Variants in SNED1 observed in about 807,000 individuals in gnomAD.
SNED1 encodes sushi, nidogen and EGF like domains 1.
SNED1 carries 81 observed loss-of-function variants against 166.7 expected under a neutral mutation model. The observed-to-expected ratio is 0.49, with a 90% confidence interval of 0.41 to 0.58. The LOEUF (loss-of-function observed/expected upper bound fraction) is 0.58. Among genes scored for constraint, SNED1 ranks in the 20% least tolerant of loss-of-function variants. The pLI is 0.00. For synonymous variants in SNED1, 762 were observed against 822.0 expected (o/e 0.93, Z 1.25); for missense variants, 1,604 against 2,000.2 (o/e 0.80, Z 3.78).
At chr2:241,084,033 T>A (rs2063458817) in intron 29 of SNED1, among the ~76,000 whole-genome samples, 1 of 152,174 alleles carries the variant, frequency 6.6e-6, no homozygotes, top group Non-Finnish European at 1.5e-5. Context: ...TTAGGTTTAT[T>A]GTTTAGAGGT....
chr2:241,063,811 G>A, intron 18 of SNED1, 111 bp downstream of exon 18: 1 of 858,202 alleles, frequency 1.2e-6, no homozygotes, highest in Non-Finnish European at 1.8e-6. Flanking sequence ...TGGGGAGAGG[G>A]ACCCCCAGGG....
Position 240,999,336 on chromosome 2 carries a change from G to T in SNED1, c.213+286G>T, listed in dbSNP as rs2060006946. On this transcript the variant is annotated intron_variant, in intron 1 of 31. Coordinates refer to ENST00000310397, the MANE Select transcript of SNED1 (RefSeq NM_001080437.3). This position sits in a 1 kb window ranked among gnomAD's most constrained non-coding sequence, Gnocchi z 5.8. ...GACCTGCCGAGCGCGTCTTCCCGGC[G>T]CCTGATTCCCAGGGGAGAGCAGGGG... 6.6e-6 allele frequency among the ~76,000 whole-genome samples: 1 copy of T among 152,016 alleles called. No homozygotes were observed. Among genetic ancestry groups the T allele is most frequent in the South Asian group, 2.1e-4 (1 of 4,834 alleles).
At chr2:241,010,653 A>AC (rs1024282262) in intron 1 of SNED1, 1 of 152,402 alleles carries the variant, frequency 6.6e-6, no homozygotes, top group African/African-American at 2.4e-5. Flanking sequence ...GGCCTTGACC[A>AC]CAGCCTGAGA....
intron 16 of SNED1, among the ~76,000 whole-genome samples, chr2:241,055,283 AC>A (rs2062009885): frequency 6.6e-6 from 1 of 152,176 alleles, no homozygotes; most frequent in African/African-American, 2.4e-5. Context: ...GGCCCACAGA[AC>A]GTCAGACAGG....
chr2:241,014,086 G>A (rs1482789554), intron 1 of SNED1, among the ~76,000 whole-genome samples: 1 of 151,584 alleles, frequency 6.6e-6, no homozygotes, highest in Non-Finnish European at 1.5e-5. Flanking sequence ...TCAGTTCACT[G>A]CAACCTCTGC....
At chr2:241,061,999 CCT>C (rs1333549081) in intron 16 of SNED1, among the ~76,000 whole-genome samples, 1 of 152,166 alleles carries the variant, frequency 6.6e-6, no homozygotes, top group East Asian at 1.9e-4. Context: ...ACCACAGTGA[CCT>C]ACAGTGTGGA....
At chr2:241,014,430 C>G (rs2060512350) in intron 1 of SNED1, among the ~76,000 whole-genome samples, 1 of 152,158 alleles carries the variant, frequency 6.6e-6, no homozygotes, top group African/African-American at 2.4e-5. Context: ...TGGATGCTGC[C>G]CAGGGCCACA....
At position 241,073,125 on chromosome 2, in the gene SNED1, T is replaced by C; in HGVS notation, c.3818-141T>C. 1 of 629,500 alleles carries C rather than the reference T, an allele frequency of 1.6e-6. No homozygotes were observed. Among genetic ancestry groups the C allele is most frequent in the Non-Finnish European group, 2.8e-6 (1 of 359,824 alleles). 39.0% of individuals were successfully genotyped at this position (629,500 alleles called of 1,614,324 possible). A position where few individuals can be genotyped will look rare whatever the true frequency, so the allele number is the denominator to read the frequency against. On this transcript the variant is annotated intron_variant, in intron 26 of 31. Transcript: ENST00000310397. This position sits in a 1 kb window ranked among gnomAD's most constrained non-coding sequence, Gnocchi z 6.6. ...GGGAGGCAGCTCTGGGGCCGACAGG[T>C]GCTGGGGCCACGCAGGGAGCCTGGT...
chr2:241,091,770 T>A lies in SNED1; in HGVS notation c.*134T>A, dbSNP rs1006454747. On this transcript the variant is annotated 3_prime_UTR_variant, in exon 32 of 32. Transcript: ENST00000310397. This position sits in a 1 kb window ranked among gnomAD's most constrained non-coding sequence, Gnocchi z 4.1. Reference sequence around the variant, plus strand: ...GCTGGAGTCAGTCCCCTCTGTGACCTCTCTCCTCAGGCCTCTAGAGGACAG... The same window carrying A: ...GCTGGAGTCAGTCCCCTCTGTGACCACTCTCCTCAGGCCTCTAGAGGACAG... 6.6e-6 allele frequency: 1 copy of A among 152,332 alleles called. No individual in the cohort carries two copies. Among genetic ancestry groups the A allele is most frequent in the Admixed American group, 6.5e-5 (1 of 15,288 alleles). The allele number at this position is 152,332 out of a possible 1,614,324, so 9.4% of individuals were successfully genotyped here. A position where few individuals can be genotyped will look rare whatever the true frequency, so the allele number is the denominator to read the frequency against.
At chr2:241,038,805 G>A (rs187692751) in intron 6 of SNED1, among the ~76,000 whole-genome samples, 20 of 152,350 alleles carry the variant, frequency 1.3e-4, no homozygotes, top group Admixed American at 1.1e-3. Context: ...TGCTCTCCCT[G>A]TGCGGTGCTG....
Position 241,073,220 on chromosome 2 carries a change from G to A in SNED1, c.3818-46G>A. 1 of 1,423,550 alleles carries A rather than the reference G, an allele frequency of 7.0e-7. No homozygotes were observed. Among genetic ancestry groups the A allele is most frequent in the Non-Finnish European group, 9.7e-7 (1 of 1,033,244 alleles). 88.2% of individuals were successfully genotyped at this position (1,423,550 alleles called of 1,614,324 possible). A position where few individuals can be genotyped will look rare whatever the true frequency, so the allele number is the denominator to read the frequency against. ...AAAGGGTGGCCCCAGGACCATCCCG[G>A]GTGCAAAGCAGCTGCGCCGTGTGGT... On this transcript the variant is annotated intron_variant, in intron 26 of 31. Coordinates refer to ENST00000310397, the MANE Select transcript of SNED1 (RefSeq NM_001080437.3). This position sits in a 1 kb window ranked among gnomAD's most constrained non-coding sequence, Gnocchi z 6.6.
chr2:241,057,786 A>G (rs1373340779), intron 16 of SNED1, among the ~76,000 whole-genome samples: 1 of 152,188 alleles, frequency 6.6e-6, no homozygotes, highest in African/African-American at 2.4e-5. Flanking sequence ...TCATACAAAC[A>G]CAGCTTCAGA....
At chr2:241,024,559 T>C (rs2060889215) in intron 1 of SNED1, among the ~76,000 whole-genome samples, 1 of 151,942 alleles carries the variant, frequency 6.6e-6, no homozygotes, top group Non-Finnish European at 1.5e-5. Flanking sequence ...CTACTACCTT[T>C]TTTGTGCAAA....
chr2:241,083,944 T>A (rs1284627451), intron 29 of SNED1, among the ~76,000 whole-genome samples: 1 of 138,320 alleles, frequency 7.2e-6, no homozygotes, highest in Non-Finnish European at 1.6e-5. Flanking sequence ...TTGTTCCTTT[T>A]TTCTTTTTTC....
At chr2:241,016,850 C>CTTTTTTTTTT (rs5839783) in intron 1 of SNED1, among the ~76,000 whole-genome samples, 2 of 125,814 alleles carry the variant, frequency 1.6e-5, no homozygotes, top group Admixed American at 8.5e-5. Context: ...TTCTTTCTTT[C>CTTTTTTTTTT]TTTTTTTTTT....
chr2:241,084,682 T>C (rs1037974404), intron 29 of SNED1, among the ~76,000 whole-genome samples: 3 of 152,220 alleles, frequency 2.0e-5, no homozygotes, highest in Non-Finnish European at 4.4e-5. Context: ...GTAAAGTATT[T>C]TGTATTTATT....
intron 4 of SNED1, among the ~76,000 whole-genome samples, chr2:241,036,141 C>T (rs1193269223): frequency 1.4e-5 from 2 of 145,874 alleles, no homozygotes; most frequent in African/African-American, 2.6e-5. Flanking sequence ...GGGAGAGCAC[C>T]GCGCGCTCAT....
At chr2:241,086,482 T>C (rs935223494) in intron 29 of SNED1, among the ~76,000 whole-genome samples, 1 of 152,192 alleles carries the variant, frequency 6.6e-6, no homozygotes, top group East Asian at 1.9e-4. Flanking sequence ...AAAACTTCTC[T>C]AGGCTGAATT....
intron 31 of SNED1, chr2:241,089,915 G>C: frequency 6.5e-7 from 1 of 1,532,262 alleles, no homozygotes; most frequent in Non-Finnish European, 8.8e-7. Context: ...AGTGCCAAGT[G>C]TGTGTGTATC....
Sources: allele counts gnomAD v4.1 joint callset (sites outside exome capture counted in the v4.1 genomes callset), GRCh38; gene constraint gnomAD v4.1.1; non-coding constraint Gnocchi (gnomAD v3.1); transcripts MANE v1.5; gene names NCBI Gene and HGNC (gene_info 2026-07-23, HGNC 2026-07-21).